Variants in SLC35F3 observed in about 807,000 individuals in gnomAD.
SLC35F3 encodes the protein solute carrier family 35 member F3.
A neutral mutation model predicts 49.9 loss-of-function variants in SLC35F3; 25 were observed. The observed-to-expected ratio is 0.50, with a 90% CI of 0.37 to 0.70. The LOEUF (loss-of-function observed/expected upper bound fraction) is 0.70, where lower values mean the gene tolerates loss of function less well. Ranked by LOEUF, SLC35F3 falls within the 30% of genes least tolerant of loss-of-function variation. The pLI, the probability that SLC35F3 is intolerant of heterozygous loss-of-function variation, is 0.00. For missense variants in SLC35F3, 525 were observed against 639.8 expected (o/e 0.82, Z 1.94); for synonymous variants, 275 against 265.4 (o/e 1.04, Z -0.35).
At chr1:234,224,360 C>T (rs1667255889) in intron 2 of SLC35F3, among the ~76,000 whole-genome samples, 1 of 152,234 alleles carries the variant, frequency 6.6e-6, no homozygotes, top group Non-Finnish European at 1.5e-5. Context: ...AGCCACTGCT[C>T]CCAGCCTCTT....
intron 3 of SLC35F3, among the ~76,000 whole-genome samples, chr1:234,276,293 G>A (rs978313350): frequency 2.0e-5 from 3 of 152,172 alleles, no homozygotes; most frequent in African/African-American, 7.2e-5. Flanking sequence ...CTATGGACCT[G>A]AGATAAGCTC....
intron 2 of SLC35F3, among the ~76,000 whole-genome samples, chr1:234,009,138 C>T (rs938437787): frequency 4.0e-5 from 6 of 151,740 alleles, no homozygotes; most frequent in African/African-American, 1.5e-4. Context: ...TCCTATCTAT[C>T]GAAAAAAAGC....
At position 234,162,189 on chromosome 1, in the gene SLC35F3, A is replaced by G. The variant is rs372861636; in HGVS notation, c.284-69228A>G. 9.3e-5 allele frequency among the ~76,000 whole-genome samples: 14 copies of G among 149,882 alleles called. No homozygotes were observed. In the East Asian group the frequency reaches 2.6e-3, roughly 28 times the overall value. On this transcript the variant is annotated intron_variant, in intron 2 of 7. Coordinates refer to ENST00000366618, the MANE Select transcript of SLC35F3 (RefSeq NM_173508.4). ...GTGTAGATTCATGGTGAAATCCAAC[A>G]TAGAGAGGACTTGCCACTGGTCAGT...
chr1:233,954,245 A>G (rs1662658216), intron 2 of SLC35F3, among the ~76,000 whole-genome samples: 1 of 152,132 alleles, frequency 6.6e-6, no homozygotes, highest in African/African-American at 2.4e-5. Context: ...TGACCTCGTG[A>G]TCCGCCCACC....
At chr1:234,285,434 C>T (rs7518644) in intron 3 of SLC35F3, 117,149 of 433,420 alleles carry the variant, frequency 0.27, 16,290 homozygotes, top group African/African-American at 0.33. Flanking sequence ...TTGTTTCCAG[C>T]TCAGCAGGTC....
intron 2 of SLC35F3, among the ~76,000 whole-genome samples, chr1:234,208,660 AG>A (rs1481217526): frequency 6.6e-6 from 1 of 152,070 alleles, no homozygotes; most frequent in Non-Finnish European, 1.5e-5. Context: ...AGGAGTTGGG[AG>A]GAGGCAGGGA....
chr1:233,920,334 T>A (rs1196409132), intron 2 of SLC35F3, among the ~76,000 whole-genome samples: 1 of 151,610 alleles, frequency 6.6e-6, no homozygotes, highest in Non-Finnish European at 1.5e-5. Flanking sequence ...GAGAAAGGAG[T>A]ATTGAGTGGA....
At chr1:234,054,220 A>G (rs1419617939) in intron 2 of SLC35F3, among the ~76,000 whole-genome samples, 3 of 152,182 alleles carry the variant, frequency 2.0e-5, no homozygotes, top group Non-Finnish European at 4.4e-5. Context: ...CTCCTGGATA[A>G]TATCCTGCAA....
chr1:234,214,472 A>C lies in SLC35F3; in HGVS notation c.284-16945A>C. The C allele has an allele frequency of 6.6e-7, 1 of 1,519,406 alleles. No individual in the cohort carries two copies. The highest frequency in any genetic ancestry group is 8.8e-7 in the Non-Finnish European group (1 of 1,134,072). The allele number at this position is 1,519,406 out of a possible 1,614,324, so 94.1% of individuals were successfully genotyped here. ...CCCCAGGATGTAGGCGATCGGCGGC[A>C]GCGCTCCTGCAGGCGGCCGGCTCAT... On this transcript the variant is annotated intron_variant, in intron 2 of 7. Coordinates refer to ENST00000366618, the MANE Select transcript of SLC35F3 (RefSeq NM_173508.4). This position sits in a 1 kb window ranked among gnomAD's most constrained non-coding sequence, Gnocchi z 8.0.
At chr1:234,279,988 T>A (rs150578392) in intron 3 of SLC35F3, among the ~76,000 whole-genome samples, 34 of 152,326 alleles carry the variant, frequency 2.2e-4, no homozygotes, top group Admixed American at 7.8e-4. Flanking sequence ...CACTTGGCAA[T>A]GGCTACATAA....
chr1:233,905,123 A>G lies in SLC35F3; in HGVS notation c.46A>G (p.Ile16Val), dbSNP rs1277985438. 6.4e-7 allele frequency: 1 copy of G among 1,558,812 alleles called. No homozygotes were observed. Among genetic ancestry groups the G allele is most frequent in the South Asian group, 1.2e-5 (1 of 84,634 alleles). ...CAGCGGCGCACCCAGGGGCAAGAGC[A>G]TTGCCGTGTGAGTAGCGCCCCGGGC... ...FPSGAPRGKS[I>V]AVGMRRSPDV... Residue 16 changes from isoleucine to valine, a missense_variant, in exon 1 of 8, where the codon ATT (isoleucine) becomes GTT (valine). By Grantham distance (29) the Ile-to-Val change is conservative (BLOSUM62 3). This residue lies in a region of SLC35F3 where 228 missense variants were observed against 218.9 expected (regional missense o/e 1.04). Transcript: ENST00000366618.
rs6659846 is a variant in SLC35F3, at chr1:234,146,761, G to A, written c.284-84656G>A. 7.4e-3 allele frequency among the ~76,000 whole-genome samples: 1,121 copies of A among 152,118 alleles called. 20 individuals are homozygous for A. The highest frequency in any genetic ancestry group is 0.024 in the African/African-American group (1,004 of 41,488). Reference sequence around the variant, plus strand: ...GCTCCCGACTTCAGGTAATCCACCCGCCTCGGCCTCCCAAAGTGCTGGGAT... The same window carrying A: ...GCTCCCGACTTCAGGTAATCCACCCACCTCGGCCTCCCAAAGTGCTGGGAT... On this transcript the variant is annotated intron_variant, in intron 2 of 7. Transcript: ENST00000366618.
intron 2 of SLC35F3, among the ~76,000 whole-genome samples, chr1:234,165,362 T>C (rs1386062596): frequency 6.6e-6 from 1 of 152,208 alleles, no homozygotes; most frequent in Non-Finnish European, 1.5e-5. Flanking sequence ...GGGCTCTGTG[T>C]GTCCTGCTCA....
At chr1:234,237,938 A>G (rs1406642292) in intron 3 of SLC35F3, among the ~76,000 whole-genome samples, 1 of 152,158 alleles carries the variant, frequency 6.6e-6, no homozygotes, top group Non-Finnish European at 1.5e-5. Context: ...TCCTGCTCTC[A>G]AGCGATCTGC....
At chr1:234,174,724 T>C (rs1558250532) in intron 2 of SLC35F3, among the ~76,000 whole-genome samples, 1 of 152,236 alleles carries the variant, frequency 6.6e-6, no homozygotes, top group Non-Finnish European at 1.5e-5. Context: ...AGAAGAAATG[T>C]GAGCAGGAGG....
chr1:234,256,001 T>C (rs1667816254), intron 3 of SLC35F3, among the ~76,000 whole-genome samples: 1 of 152,134 alleles, frequency 6.6e-6, no homozygotes, highest in Non-Finnish European at 1.5e-5. Context: ...TCATAACAAA[T>C]GTACATCAAT....
chr1:234,321,328 T>G (rs533281774), intron 7 of SLC35F3, among the ~76,000 whole-genome samples: 1 of 152,316 alleles, frequency 6.6e-6, no homozygotes, highest in South Asian at 2.1e-4. Flanking sequence ...ATCTGCTCTC[T>G]GAGCCTTAGC....
At chr1:234,176,311 G>C (rs1479569154) in intron 2 of SLC35F3, among the ~76,000 whole-genome samples, 2 of 152,184 alleles carry the variant, frequency 1.3e-5, no homozygotes, top group Admixed American at 1.3e-4. Context: ...TAATTTTGGG[G>C]GAAAAGAGAA....
At chr1:234,099,093 A>G (rs1197429660) in intron 2 of SLC35F3, among the ~76,000 whole-genome samples, 1 of 152,066 alleles carries the variant, frequency 6.6e-6, no homozygotes, top group Non-Finnish European at 1.5e-5. Flanking sequence ...GTCCTTTCCT[A>G]TATTCCACAT....
Sources: allele counts gnomAD v4.1 joint callset (sites outside exome capture counted in the v4.1 genomes callset), GRCh38; gene constraint gnomAD v4.1.1; regional missense constraint gnomAD v4.1.1; non-coding constraint Gnocchi (gnomAD v3.1); transcripts MANE v1.5; gene names NCBI Gene and HGNC (gene_info 2026-07-23, HGNC 2026-07-21).